The following RYK variants were observed in gnomAD, a reference collection of about 807,000 sequenced individuals.
RYK encodes inactive tyrosine-protein kinase RYK.
RYK carries 21 observed loss-of-function variants against 70.2 expected under a neutral mutation model. That is an observed-to-expected ratio of 0.30 (90% CI 0.21 to 0.43). The LOEUF (loss-of-function observed/expected upper bound fraction) is 0.43. RYK is among the 20% of genes least tolerant of loss of function. The probability of loss-of-function intolerance (pLI) is 1.00; values close to 1 mark genes in which losing one functional copy is unlikely to be tolerated. For missense variants in RYK, 604 were observed against 753.3 expected (o/e 0.80, Z 2.32); for synonymous variants, 267 against 278.0 (o/e 0.96, Z 0.39).
intron 5 of RYK, among the ~76,000 whole-genome samples, chr3:134,204,589 AG>A (rs1168048096): frequency 3.9e-5 from 4 of 103,062 alleles, no homozygotes; most frequent in African/African-American, 9.3e-5. Flanking sequence ...ACACAGCCAC[AG>A]CCACACACAC....
intron 6 of RYK, among the ~76,000 whole-genome samples, chr3:134,201,628 C>G (rs1455805935): frequency 6.6e-6 from 1 of 152,064 alleles, no homozygotes; most frequent in African/African-American, 2.4e-5. Flanking sequence ...AAGAACGGAC[C>G]AAGTTTGGAC....
intron 10 of RYK, 197 bp from the exon 11 acceptor site, chr3:134,178,270 C>A: frequency 2.3e-6 from 1 of 444,046 alleles, no homozygotes; most frequent in South Asian, 3.8e-5. Context: ...CATATATCCC[C>A]ATATATGCAC....
At chr3:134,247,372 G>T (rs1338003701) in intron 1 of RYK, among the ~76,000 whole-genome samples, 1 of 152,140 alleles carries the variant, frequency 6.6e-6, no homozygotes, top group Non-Finnish European at 1.5e-5. Flanking sequence ...GAGCCTGAGG[G>T]ATAAAAAAGA....
At chr3:134,213,174 T>C (rs2014453380) in intron 2 of RYK, among the ~76,000 whole-genome samples, 1 of 152,112 alleles carries the variant, frequency 6.6e-6, no homozygotes, top group Non-Finnish European at 1.5e-5. Context: ...GCATTATACA[T>C]CCCTACACCG....
chr3:134,202,710 TCCCAA>T lies in RYK; in HGVS notation c.788+15_788+19del, dbSNP rs1576518772. 6.2e-7 allele frequency: 1 copy of T among 1,607,698 alleles called. No individual in the cohort carries two copies. Among genetic ancestry groups the T allele is most frequent in the Admixed American group, 1.7e-5 (1 of 58,904 alleles). The stretch of plus-strand genomic sequence containing the variant: ...AATAACTGCTTTCATTTTTTTTCTT[TCCCAA>T]AATATGTACAATACCTGTCATCCAG... On this transcript the variant is annotated intron_variant, in intron 6 of 14. Transcript: ENST00000623711.
chr3:134,167,411 G>C (rs2012711874), intron 13 of RYK, among the ~76,000 whole-genome samples: 1 of 152,118 alleles, frequency 6.6e-6, no homozygotes, highest in Non-Finnish European at 1.5e-5. Flanking sequence ...TAGACCAATG[G>C]AACAGAATAG....
intron 9 of RYK, among the ~76,000 whole-genome samples, chr3:134,188,168 T>TATATA (rs1553770174): frequency 3.0e-4 from 23 of 77,338 alleles, no homozygotes; most frequent in African/African-American, 1.0e-3. Flanking sequence ...TATATATATA[T>TATATA]TTTTTTTTTT....
At chr3:134,243,657 T>C (rs1267996504) in intron 1 of RYK, among the ~76,000 whole-genome samples, 3 of 152,182 alleles carry the variant, frequency 2.0e-5, no homozygotes, top group Admixed American at 1.3e-4. Context: ...TATGTCTTTG[T>C]TCACACTACT....
At chr3:134,173,307 T>C (rs2108149198) in intron 13 of RYK, among the ~76,000 whole-genome samples, 1 of 152,082 alleles carries the variant, frequency 6.6e-6, no homozygotes, top group South Asian at 2.1e-4. Context: ...AAAAATTATA[T>C]AAGTAAATTG....
chr3:134,206,145 A>G (rs2014206685), intron 5 of RYK, among the ~76,000 whole-genome samples: 1 of 152,202 alleles, frequency 6.6e-6, no homozygotes, highest in South Asian at 2.1e-4. Context: ...AGTAGACGAT[A>G]TGTCACATTA....
At chr3:134,226,856 C>A (rs1329556067) in intron 1 of RYK, among the ~76,000 whole-genome samples, 1 of 152,082 alleles carries the variant, frequency 6.6e-6, no homozygotes, top group Non-Finnish European at 1.5e-5. Context: ...TAATATCATA[C>A]TCAATGGTAA....
intron 1 of RYK, among the ~76,000 whole-genome samples, chr3:134,245,234 C>T (rs2015433143): frequency 1.3e-5 from 2 of 152,098 alleles, no homozygotes; most frequent in Non-Finnish European, 2.9e-5. Context: ...ATTAACTACT[C>T]GTAATATTGT....
At chr3:134,187,068 G>A (rs2013488676) in intron 9 of RYK, among the ~76,000 whole-genome samples, 1 of 152,146 alleles carries the variant, frequency 6.6e-6, no homozygotes, top group South Asian at 2.1e-4. Context: ...CCCTTTAAAA[G>A]TGTTTTTGGT....
At chr3:134,244,196 C>T (rs1366671603) in intron 1 of RYK, among the ~76,000 whole-genome samples, 7 of 152,174 alleles carry the variant, frequency 4.6e-5, no homozygotes, top group African/African-American at 1.7e-4. Context: ...CCAGTTTATA[C>T]CATTCCCCAC....
At chr3:134,159,152 G>A (rs2012361363) in intron 14 of RYK, 85 bp downstream of exon 14, 2 of 1,386,216 alleles carry the variant, frequency 1.4e-6, no homozygotes, top group Admixed American at 1.9e-5. Flanking sequence ...AAGGCTCTGT[G>A]TGAATATGGA....
intron 2 of RYK, among the ~76,000 whole-genome samples, chr3:134,214,973 G>A (rs144613463): frequency 1.9e-3 from 283 of 152,192 alleles, no homozygotes; most frequent in African/African-American, 5.9e-3. Flanking sequence ...TATCTTAATC[G>A]TCAATTTCTC....
intron 1 of RYK, among the ~76,000 whole-genome samples, chr3:134,242,579 T>A (rs1306942805): frequency 6.6e-6 from 1 of 152,244 alleles, no homozygotes. Context: ...TTCTGTTTCA[T>A]GTACAAGTTT....
Position 134,195,141 on chromosome 3 carries a change from G to T in RYK, c.830C>A (p.Ser277Tyr), listed in dbSNP as rs897092647. 6.2e-7 allele frequency: 1 copy of T among 1,613,426 alleles called. No individual in the cohort carries two copies. The highest frequency in any genetic ancestry group is 8.5e-7 in the Non-Finnish European group (1 of 1,179,556). The change falls in exon 7 of 15, where the codon TCC becomes TAC. Residue 277 changes from serine to tyrosine, a missense_variant. Ser to Tyr is a moderately radical substitution (Grantham distance 144, BLOSUM62 -2). Around this residue, in one of 2 missense-constraint regions of RYK, gnomAD observed 466 missense variants for 535.9 expected, o/e 0.87. Transcript: ENST00000623711. The stretch of plus-strand genomic sequence containing the variant: ...TCTCAGATACTGAGTCGTCTGGGTG[G>T]ATGGCTGAGACAGCCCTTGGGAACT... Reference protein sequence around the residue: ...SSSSQGLSQPSTQTTQYLRAD... With the variant: ...SSSSQGLSQPYTQTTQYLRAD...
rs775613471 is a variant in RYK, at chr3:134,198,019, G to T, written c.789-2837C>A. Among the ~76,000 whole-genome samples, 80 of 151,890 alleles carry T rather than the reference G, an allele frequency of 5.3e-4. 1 individual carries two copies. The highest frequency in any genetic ancestry group is 2.8e-4 in the Non-Finnish European group (19 of 67,964). On this transcript the variant is annotated intron_variant, in intron 6 of 14. Transcript: ENST00000623711. ...AGTGGTCAGAACGAAATTTTTTTTT[G>T]AATCCAAGACTTACTGTTATGATAG...
Sources: allele counts gnomAD v4.1 joint callset (sites outside exome capture counted in the v4.1 genomes callset), GRCh38; gene constraint gnomAD v4.1.1; regional missense constraint gnomAD v4.1.1; transcripts MANE v1.5; gene names NCBI Gene and HGNC (gene_info 2026-07-23, HGNC 2026-07-21).